Variants in LRRK2 observed in about 807,000 individuals in gnomAD.
LRRK2 encodes the protein leucine rich repeat kinase 2, also known as leucine-rich repeat serine/threonine-protein kinase 2.
A neutral mutation model predicts 302.6 loss-of-function variants in LRRK2; 203 were observed. The observed-to-expected ratio is 0.67, with a 90% confidence interval of 0.60 to 0.75. LRRK2 has a LOEUF of 0.75. Among genes scored for constraint, LRRK2 ranks in the 30% least tolerant of loss-of-function variants. LRRK2 has a pLI of 0.00. For synonymous variants in LRRK2, 1,066 were observed against 1,031.9 expected (o/e 1.03, Z -0.63); for missense variants, 2,830 against 2,951.0 (o/e 0.96, Z 0.95).
chr12:40,267,159 C>G (rs969089972), intron 14 of LRRK2, among the ~76,000 whole-genome samples: 2 of 152,114 alleles, frequency 1.3e-5, no homozygotes, highest in African/African-American at 4.8e-5. Context: ...ATGCTCCATA[C>G]AGGGGCAATT....
chr12:40,277,317 A>G (rs1037970586), intron 16 of LRRK2, among the ~76,000 whole-genome samples: 10 of 152,156 alleles, frequency 6.6e-5, no homozygotes, highest in African/African-American at 1.2e-4. Context: ...TTCTTTATAA[A>G]TAACTTATTA....
intron 39 of LRRK2, among the ~76,000 whole-genome samples, chr12:40,333,105 G>T (rs1945762844): frequency 6.6e-6 from 1 of 152,010 alleles, no homozygotes; most frequent in Non-Finnish European, 1.5e-5. Context: ...GCTTTTCCAG[G>T]ATAGAAAATT....
At chr12:40,275,481 A>C (rs1943411923) in intron 16 of LRRK2, among the ~76,000 whole-genome samples, 4 of 151,578 alleles carry the variant, frequency 2.6e-5, no homozygotes, top group Admixed American at 2.6e-4. Flanking sequence ...ATACTGGCCT[A>C]GAGTTAGTTC....
chr12:40,353,945 C>CT (rs1946450039), intron 44 of LRRK2, among the ~76,000 whole-genome samples: 2 of 152,198 alleles, frequency 1.3e-5, no homozygotes, highest in Non-Finnish European at 1.5e-5. Context: ...TACAGCCCAG[C>CT]TTCGGCTCGG....
At chr12:40,363,927 A>C (rs1250181525) in intron 48 of LRRK2, among the ~76,000 whole-genome samples, 3 of 151,976 alleles carry the variant, frequency 2.0e-5, no homozygotes, top group Admixed American at 1.3e-4. Context: ...CTAAAGAAAA[A>C]GAGTCACAAA....
chr12:40,338,944 A>G (rs1435760146), intron 40 of LRRK2, among the ~76,000 whole-genome samples: 1 of 152,204 alleles, frequency 6.6e-6, no homozygotes, highest in Non-Finnish European at 1.5e-5. Flanking sequence ...GTGAAGGTCA[A>G]CTTCATTAGT....
intron 11 of LRRK2, among the ~76,000 whole-genome samples, chr12:40,256,373 G>T (rs1324961434): frequency 6.6e-6 from 1 of 152,182 alleles, no homozygotes; most frequent in Non-Finnish European, 1.5e-5. Flanking sequence ...TTGAGGCCAG[G>T]AGGTTAAGAC....
intron 31 of LRRK2, among the ~76,000 whole-genome samples, chr12:40,311,942 C>T (rs868155422): frequency 6.9e-6 from 1 of 144,576 alleles, no homozygotes. Flanking sequence ...TTTATTCATC[C>T]AATTAATCTC....
At position 40,363,562 on chromosome 12, in the gene LRRK2, C is replaced by A; in HGVS notation, c.7181+8C>A. On this transcript the variant is annotated splice_region_variant and intron_variant, in intron 48 of 50. Coordinates refer to ENST00000298910, the MANE Select transcript of LRRK2 (RefSeq NM_198578.4). The stretch of plus-strand genomic sequence containing the variant: ...CTGCGTGCACTTTTTAAGGTAAATT[C>A]TGTGGTTTTTAATTTTATTCCCAAA... 6.2e-7 allele frequency: 1 copy of A among 1,610,442 alleles called. No homozygotes were observed. The highest frequency in any genetic ancestry group is 1.7e-4 in the Middle Eastern group (1 of 6,044).
At chr12:40,333,426 A>G (rs1231574268) in intron 39 of LRRK2, among the ~76,000 whole-genome samples, 2 of 152,154 alleles carry the variant, frequency 1.3e-5, no homozygotes, top group Non-Finnish European at 2.9e-5. Context: ...AATCAATTTA[A>G]CATCACACAA....
At chr12:40,332,557 T>G (rs751382422) in intron 39 of LRRK2, among the ~76,000 whole-genome samples, 70 of 152,194 alleles carry the variant, frequency 4.6e-4, no homozygotes, top group Non-Finnish European at 9.1e-4. Context: ...TAAGTAAATT[T>G]TGTAACCTTT....
chr12:40,310,283 A>G (rs1944994096), intron 30 of LRRK2, 148 bp from the exon 31 acceptor site: 1 of 809,298 alleles, frequency 1.2e-6, no homozygotes, highest in East Asian at 2.6e-5. Flanking sequence ...GTTTAAGGAA[A>G]AAAGGACAGT....
At position 40,237,226 on chromosome 12, in the gene LRRK2, C is replaced by T. The variant is rs537691742; in HGVS notation, c.437-743C>T. ...TACTATAGTCGGTTGTGTGAAAGGT[C>T]TTGTTTTTCATACTAAGGATCATGA... On this transcript the variant is annotated intron_variant, in intron 4 of 50. Transcript: ENST00000298910. Among the ~76,000 whole-genome samples the T allele has an allele frequency of 2.0e-5, 3 of 152,218 alleles. No individual in the cohort carries two copies. In the East Asian group the frequency reaches 5.8e-4, roughly 29 times the overall value.
chr12:40,313,195 C>T (rs1055576778), intron 31 of LRRK2, among the ~76,000 whole-genome samples: 19 of 151,902 alleles, frequency 1.3e-4, no homozygotes, highest in Admixed American at 3.3e-4. Flanking sequence ...TGGTTCTTAA[C>T]GGCACTCTGG....
Position 40,235,671 on chromosome 12 carries a change from G to C in LRRK2, c.393G>C (p.Leu131Phe). ...MLTVHNASVN[L>F]SVIGLKTLDL... ...CAGTTCATAATGCCAGTGTAAACTT[G>C]TCAGTGATTGGACTGAAGACCTTAG... Residue 131 changes from leucine (L) to phenylalanine (F), a missense_variant, in exon 4 of 51, where the codon TTG becomes TTC. Leu to Phe is a conservative substitution (Grantham distance 22, BLOSUM62 0). Coordinates refer to ENST00000298910, the MANE Select transcript of LRRK2 (RefSeq NM_198578.4). 6.2e-7 allele frequency: 1 copy of C among 1,609,810 alleles called. No individual in the cohort carries two copies. The highest frequency in any genetic ancestry group is 2.2e-5 in the East Asian group (1 of 44,800).
intron 5 of LRRK2, among the ~76,000 whole-genome samples, chr12:40,239,285 G>A (rs1037867102): frequency 2.8e-4 from 42 of 152,266 alleles, no homozygotes; most frequent in African/African-American, 9.1e-4. Flanking sequence ...ATCATACACC[G>A]TGAAGTAGAA....
At chr12:40,253,464 C>T (rs1592166329) in intron 11 of LRRK2, among the ~76,000 whole-genome samples, 1 of 152,168 alleles carries the variant, frequency 6.6e-6, no homozygotes, top group Non-Finnish European at 1.5e-5. Flanking sequence ...TGGCTCACTA[C>T]AACCTCAAAC....
In LRRK2 at chr12:40,310,492, A is replaced by G; in HGVS notation, c.4379A>G (p.Lys1460Arg). ...VGTHLDVSDE[K>R]QRKACMSKIT... ...ACACATTTGGATGTTTCTGATGAGA[A>G]GCAACGCAAAGCCTGCATGAGTAAA... The change falls in exon 31 of 51, where the codon AAG (lysine) becomes AGG (arginine). Residue 1460 changes from lysine (K) to arginine (R), a missense_variant. Transcript: ENST00000298910. The G allele has an allele frequency of 6.2e-7, 1 of 1,613,212 alleles. No homozygotes were observed. The highest frequency in any genetic ancestry group is 2.2e-5 in the East Asian group (1 of 44,874).
chr12:40,360,025 G>A (rs1310457554), intron 47 of LRRK2, among the ~76,000 whole-genome samples: 1 of 151,918 alleles, frequency 6.6e-6, no homozygotes, highest in African/African-American at 2.4e-5. Context: ...CTTTGCAGTT[G>A]GTTCTTATTT....
Sources: allele counts gnomAD v4.1 joint callset (sites outside exome capture counted in the v4.1 genomes callset), GRCh38; gene constraint gnomAD v4.1.1; transcripts MANE v1.5; gene names NCBI Gene and HGNC (gene_info 2026-07-23, HGNC 2026-07-21).